ANKRD44: variants seen among roughly 807,000 people sequenced by gnomAD.
The protein encoded by ANKRD44 is ankyrin repeat domain 44, also known as serine/threonine-protein phosphatase 6 regulatory ankyrin repeat subunit B.
ANKRD44 carries 35 observed loss-of-function variants against 116.0 expected under a neutral mutation model. The observed-to-expected ratio is 0.30, with a 90% CI of 0.23 to 0.40. The LOEUF (loss-of-function observed/expected upper bound fraction) is 0.40. Ranked by LOEUF, ANKRD44 falls within the 10% of genes least tolerant of loss-of-function variation. The probability of loss-of-function intolerance (pLI) is 1.00; values close to 1 mark genes in which losing one functional copy is unlikely to be tolerated. For synonymous variants in ANKRD44, 435 were observed against 461.8 expected, an observed-to-expected ratio of 0.94 and a Z score of 0.74; for missense variants, 1,014 against 1,242.6, an observed-to-expected ratio of 0.82 and a Z score of 2.77.
intron 25 of ANKRD44, among the ~76,000 whole-genome samples, chr2:196,996,749 C>G (rs1286569264): frequency 1.3e-5 from 2 of 151,750 alleles, no homozygotes; most frequent in African/African-American, 4.8e-5. Flanking sequence ...CTAAAAAATA[C>G]AAAAATTAGC....
At chr2:197,234,628 C>A (rs2081941045) in intron 1 of ANKRD44, among the ~76,000 whole-genome samples, 1 of 152,140 alleles carries the variant, frequency 6.6e-6, no homozygotes, top group African/African-American at 2.4e-5. Context: ...TTTTTAATAA[C>A]AAGGTTTTCT....
At chr2:197,122,005 C>G (rs2078867492) in intron 7 of ANKRD44, among the ~76,000 whole-genome samples, 1 of 152,100 alleles carries the variant, frequency 6.6e-6, no homozygotes, top group South Asian at 2.1e-4. Context: ...GGTCAGAATC[C>G]ACTCTCTGTT....
Position 197,125,898 on chromosome 2 carries a change from T to C in ANKRD44, c.401A>G (p.Asn134Ser). 3.1e-6 allele frequency: 5 copies of C among 1,614,192 alleles called. No homozygotes were observed. The highest frequency in any genetic ancestry group is 4.2e-6 in the Non-Finnish European group (5 of 1,180,028). Residue 134 changes from asparagine to serine, a missense_variant, in exon 5 of 28, where the codon AAT becomes AGT. Coordinates refer to ENST00000282272, the MANE Select transcript of ANKRD44 (RefSeq NM_001195144.2). ...EVIIPLLSSV[N>S]VSDRGGRTAL... Reference sequence around the variant, plus strand: ...TGTGCGCCCCCCTCGGTCGGAGACATTGACACTGCTCAGCAGGGGAATGAT... The same window carrying C: ...TGTGCGCCCCCCTCGGTCGGAGACACTGACACTGCTCAGCAGGGGAATGAT...
At chr2:196,990,662 AG>A (rs1408132923) in intron 27 of ANKRD44, 2 of 1,232,038 alleles carry the variant, frequency 1.6e-6, no homozygotes, top group Non-Finnish European at 2.0e-6. Flanking sequence ...ATCAAAGAAA[AG>A]CTTCTACAGT....
chr2:197,218,189 A>C (rs1357938501), intron 1 of ANKRD44, among the ~76,000 whole-genome samples: 1 of 152,186 alleles, frequency 6.6e-6, no homozygotes, highest in Non-Finnish European at 1.5e-5. Context: ...CCTGTACCTG[A>C]AAGGATAAAA....
intron 8 of ANKRD44, among the ~76,000 whole-genome samples, chr2:197,112,745 AG>A (rs926634162): frequency 7.9e-5 from 12 of 151,636 alleles, no homozygotes; most frequent in African/African-American, 2.2e-4. Context: ...AGAAAAAAAA[AG>A]AAAGAAAGAA....
At chr2:197,119,897 G>A (rs181732775) in intron 8 of ANKRD44, among the ~76,000 whole-genome samples, 1 of 152,178 alleles carries the variant, frequency 6.6e-6, no homozygotes, top group East Asian at 1.9e-4. Context: ...AGCTCCCCTT[G>A]GTTAGCTGTC....
intron 21 of ANKRD44, among the ~76,000 whole-genome samples, chr2:196,973,941 A>T (rs1376206948): frequency 6.6e-6 from 1 of 152,194 alleles, no homozygotes; most frequent in African/African-American, 2.4e-5. Flanking sequence ...TTAAGTTGAC[A>T]TTGAAATAAG....
At chr2:197,096,677 TG>T (rs1158771582) in intron 10 of ANKRD44, among the ~76,000 whole-genome samples, 1 of 152,172 alleles carries the variant, frequency 6.6e-6, no homozygotes, top group Non-Finnish European at 1.5e-5. Context: ...TGAATGAAAA[TG>T]GGTTCTTTTC....
chr2:197,062,933 A>G (rs1656096789), intron 16 of ANKRD44, among the ~76,000 whole-genome samples: 1 of 152,206 alleles, frequency 6.6e-6, no homozygotes, highest in African/African-American at 2.4e-5. Flanking sequence ...ACCTCTGCAG[A>G]CTTAAATGTC....
At chr2:197,081,554 C>G (rs2077795772) in intron 15 of ANKRD44, 91 bp downstream of exon 15, 2 of 1,183,602 alleles carry the variant, frequency 1.7e-6, no homozygotes, top group African/African-American at 1.5e-5. Flanking sequence ...AAGTGAAACC[C>G]CAAAATAGTA....
chr2:197,135,582 T>C (rs984008370), intron 4 of ANKRD44: 3 of 152,280 alleles, frequency 2.0e-5, no homozygotes, highest in Non-Finnish European at 4.4e-5. Flanking sequence ...ATCAGTCATC[T>C]TCACCCGAAT....
chr2:197,046,513 T>G (rs954039405), intron 16 of ANKRD44, among the ~76,000 whole-genome samples: 1 of 152,090 alleles, frequency 6.6e-6, no homozygotes, highest in African/African-American at 2.4e-5. Context: ...GCAGTCATTC[T>G]CCCAGGAGCC....
At chr2:197,019,769 C>A (rs2076460828) in intron 17 of ANKRD44, among the ~76,000 whole-genome samples, 1 of 151,788 alleles carries the variant, frequency 6.6e-6, no homozygotes, top group Non-Finnish European at 1.5e-5. Context: ...TCATGAACAG[C>A]TCAGGGAATA....
At chr2:196,999,244 C>T (rs143021094) in intron 23 of ANKRD44, among the ~76,000 whole-genome samples, 192 bp from the exon 24 acceptor site, 1 of 152,240 alleles carries the variant, frequency 6.6e-6, no homozygotes, top group East Asian at 1.9e-4. Context: ...GGACTGGAAC[C>T]CCCTAGATTT....
At chr2:197,038,109 G>A (rs2076840161) in intron 16 of ANKRD44, among the ~76,000 whole-genome samples, 1 of 152,124 alleles carries the variant, frequency 6.6e-6, no homozygotes, top group South Asian at 2.1e-4. Flanking sequence ...CAAACCCACA[G>A]AATGTATAAC....
At chr2:197,242,723 A>G (rs2082115839) in intron 1 of ANKRD44, among the ~76,000 whole-genome samples, 1 of 152,186 alleles carries the variant, frequency 6.6e-6, no homozygotes, top group Non-Finnish European at 1.5e-5. Context: ...CTAGTCTAGG[A>G]GAGTTGGGAC....
intron 16 of ANKRD44, among the ~76,000 whole-genome samples, chr2:197,043,269 T>C (rs982696899): frequency 6.6e-6 from 1 of 152,214 alleles, no homozygotes; most frequent in African/African-American, 2.4e-5. Context: ...TCTATATCAT[T>C]CAGAAGAGCA....
intron 11 of ANKRD44, 34 bp downstream of exon 11, chr2:197,089,916 A>G (rs768072062): frequency 3.8e-6 from 6 of 1,589,046 alleles, no homozygotes; most frequent in Non-Finnish European, 8.6e-7. Context: ...TACAGGACAC[A>G]TTAAGCCTCA....
Sources: gnomAD v4.1 joint callset for allele counts (sites outside exome capture counted in the v4.1 genomes callset) on GRCh38, gnomAD v4.1.1 for gene constraint, MANE v1.5 for transcripts, NCBI Gene and HGNC (gene_info 2026-07-23, HGNC 2026-07-21) for gene names.